Variants in PPP1R14C observed in about 807,000 individuals in gnomAD.
The protein encoded by PPP1R14C is protein phosphatase 1 regulatory inhibitor subunit 14C, also known as protein phosphatase 1 regulatory subunit 14C.
In PPP1R14C, 16 loss-of-function variants were observed where a neutral mutation model predicts 20.4. The ratio of observed to expected loss-of-function variants is 0.78; its 90% confidence interval spans 0.53 to 1.19. The LOEUF (loss-of-function observed/expected upper bound fraction) is 1.19. Ranked by LOEUF, PPP1R14C falls within the 50% of genes most tolerant of loss-of-function variation. The probability of loss-of-function intolerance (pLI) is 0.00; values close to 1 mark genes in which losing one functional copy is unlikely to be tolerated. For synonymous variants in PPP1R14C, 91 were observed against 91.0 expected (o/e 1.00, Z 0.00); for missense variants, 211 against 220.1 (o/e 0.96, Z 0.26).
At chr6:150,226,754 A>C (rs951370591) in intron 3 of PPP1R14C, among the ~76,000 whole-genome samples, 1 of 152,130 alleles carries the variant, frequency 6.6e-6, no homozygotes, top group African/African-American at 2.4e-5. Context: ...CATTGTATCA[A>C]ATTATACAAT....
At chr6:150,174,405 A>G (rs977803811) in intron 1 of PPP1R14C, among the ~76,000 whole-genome samples, 14 of 149,236 alleles carry the variant, frequency 9.4e-5, no homozygotes, top group Non-Finnish European at 4.5e-5. Flanking sequence ...TTTAGTAGAG[A>G]TGGGGTTTCA....
At chr6:150,230,870 G>A (rs1040007233) in intron 3 of PPP1R14C, among the ~76,000 whole-genome samples, 53 of 134,976 alleles carry the variant, frequency 3.9e-4, no homozygotes, top group African/African-American at 1.3e-3. Flanking sequence ...ACTTGCCAAC[G>A]GGCCCATCTT....
intron 1 of PPP1R14C, among the ~76,000 whole-genome samples, chr6:150,177,535 G>A (rs747311955): frequency 2.0e-5 from 3 of 152,104 alleles, no homozygotes; most frequent in Non-Finnish European, 2.9e-5. Context: ...ATGCAGATCC[G>A]GTGGTCACAG....
rs1193822923 is a variant in PPP1R14C at position 150,248,940 on chromosome 6, TC to T, written c.*121del. The stretch of plus-strand genomic sequence containing the variant: ...AACAACGTTTTTGTTTTTTTTTTTT[TC>T]TTTTTTGGTGTGAAGGTGGGGGGGT... On this transcript the variant is annotated 3_prime_UTR_variant, in exon 4 of 4. Coordinates refer to ENST00000361131, the MANE Select transcript of PPP1R14C (RefSeq NM_030949.3). 2.1e-5 allele frequency: 11 copies of T among 532,662 alleles called. No homozygotes were observed. Among genetic ancestry groups the T allele is most frequent in the African/African-American group, 1.0e-4 (5 of 48,790 alleles). The allele number at this position is 532,662 out of a possible 1,614,324, so 33.0% of individuals were successfully genotyped here.
Position 150,143,130 on chromosome 6 carries a change from G to A in PPP1R14C, c.-63G>A. Reference sequence around the variant, plus strand: ...CGGCTGCCGGGCCGGAGGTGGTAGCGGCGCCGGGCGCGCTCCGCCCGCCCC... The same window carrying A: ...CGGCTGCCGGGCCGGAGGTGGTAGCAGCGCCGGGCGCGCTCCGCCCGCCCC... On this transcript the variant is annotated 5_prime_UTR_variant, in exon 1 of 4. Coordinates refer to ENST00000361131, the MANE Select transcript of PPP1R14C (RefSeq NM_030949.3). This position sits in a 1 kb window ranked among gnomAD's most constrained non-coding sequence, Gnocchi z 5.6. 1.7e-6 allele frequency: 2 copies of A among 1,179,380 alleles called. No homozygotes were observed. The highest frequency in any genetic ancestry group is 2.1e-6 in the Non-Finnish European group (2 of 957,500). The allele number at this position is 1,179,380 out of a possible 1,614,324, so 73.1% of individuals were successfully genotyped here. A position where few individuals can be genotyped will look rare whatever the true frequency, so the allele number is the denominator to read the frequency against.
intron 3 of PPP1R14C, among the ~76,000 whole-genome samples, chr6:150,238,028 A>G (rs778799751): frequency 6.6e-6 from 1 of 152,238 alleles, no homozygotes; most frequent in Non-Finnish European, 1.5e-5. Context: ...CACAAGCAGT[A>G]CATGCGACAA....
At chr6:150,210,030 T>C (rs1305989945) in intron 1 of PPP1R14C, among the ~76,000 whole-genome samples, 1 of 152,162 alleles carries the variant, frequency 6.6e-6, no homozygotes, top group Non-Finnish European at 1.5e-5. Flanking sequence ...TGTGTGTGTG[T>C]GTGTTGTCAC....
At chr6:150,212,693 A>G (rs1778042164) in intron 1 of PPP1R14C, among the ~76,000 whole-genome samples, 1 of 152,220 alleles carries the variant, frequency 6.6e-6, no homozygotes, top group South Asian at 2.1e-4. Flanking sequence ...TCAGTCAACA[A>G]TGGACTGCAT....
intron 1 of PPP1R14C, among the ~76,000 whole-genome samples, chr6:150,165,985 A>G (rs1459931310): frequency 6.6e-6 from 1 of 152,120 alleles, no homozygotes. Flanking sequence ...TGGACTCTGG[A>G]TGTGCCAGTC....
At chr6:150,182,003 T>A (rs556148896) in intron 1 of PPP1R14C, among the ~76,000 whole-genome samples, 59 of 152,362 alleles carry the variant, frequency 3.9e-4, no homozygotes, top group African/African-American at 1.3e-3. Context: ...GAATTAGTTT[T>A]TTTTGGATAT....
chr6:150,177,818 C>G (rs894021998), intron 1 of PPP1R14C, among the ~76,000 whole-genome samples: 7 of 152,148 alleles, frequency 4.6e-5, no homozygotes, highest in Non-Finnish European at 1.0e-4. Flanking sequence ...GTCCGGACTG[C>G]AGCAGAACCC....
rs912145088 is a variant in PPP1R14C, at chr6:150,250,367, CAT to C, written c.*1548_*1549del. ...ATGGAGCTGCTTACAAGCCTGTTGACATGTGTGGCTTGCACAACACGTTAACA... is the reference window on the plus strand; with the variant it reads ...ATGGAGCTGCTTACAAGCCTGTTGACGTGTGGCTTGCACAACACGTTAACA... On this transcript the variant is annotated 3_prime_UTR_variant, in exon 4 of 4. Transcript: ENST00000361131. 2 of 152,782 alleles carry C rather than the reference CAT, an allele frequency of 1.3e-5. No individual in the cohort carries two copies. The highest frequency in any genetic ancestry group is 6.5e-5 in the Admixed American group (1 of 15,308). 9.5% of individuals were successfully genotyped at this position (152,782 alleles called of 1,614,324 possible).
chr6:150,157,391 T>C (rs142348652), intron 1 of PPP1R14C, among the ~76,000 whole-genome samples: 2 of 152,190 alleles, frequency 1.3e-5, no homozygotes, highest in Non-Finnish European at 2.9e-5. Context: ...AGTTTCTAAG[T>C]ATGGCTTCTT....
intron 3 of PPP1R14C, among the ~76,000 whole-genome samples, chr6:150,246,910 AT>A (rs1778498857): frequency 6.6e-6 from 1 of 152,200 alleles, no homozygotes; most frequent in Non-Finnish European, 1.5e-5. Flanking sequence ...ATATGGTATG[AT>A]CTTAATTAGG....
chr6:150,210,465 A>G (rs184345710), intron 1 of PPP1R14C, among the ~76,000 whole-genome samples: 3 of 152,276 alleles, frequency 2.0e-5, no homozygotes, highest in Admixed American at 6.5e-5. Flanking sequence ...CACCTGATAC[A>G]TGACATTCCC....
intron 1 of PPP1R14C, among the ~76,000 whole-genome samples, chr6:150,149,443 A>ATT (rs1216146263): frequency 2.8e-4 from 34 of 119,934 alleles, no homozygotes; most frequent in African/African-American, 7.3e-4. Context: ...CTCCCACCTA[A>ATT]TTTTTTTTTT....
rs1472256515 is a variant in PPP1R14C at position 150,249,694 on chromosome 6, A to G, written c.*874A>G. The G allele has an allele frequency of 5.1e-6, 2 of 395,368 alleles. No homozygotes were observed. Among genetic ancestry groups the G allele is most frequent in the Non-Finnish European group, 8.9e-6 (2 of 225,718 alleles). 24.5% of individuals were successfully genotyped at this position (395,368 alleles called of 1,614,324 possible). A position where few individuals can be genotyped will look rare whatever the true frequency, so the allele number is the denominator to read the frequency against. ...TGTAGCAGTGAATTGTCTGCTTTCC[A>G]CCGAGTACTGTGTTTATTCTCTCTC... On this transcript the variant is annotated 3_prime_UTR_variant, in exon 4 of 4. Transcript: ENST00000361131.
intron 3 of PPP1R14C, among the ~76,000 whole-genome samples, chr6:150,231,390 C>T (rs547568553): frequency 6.6e-6 from 1 of 152,332 alleles, no homozygotes; most frequent in South Asian, 2.1e-4. Context: ...TGTCTTCCGT[C>T]ACACCCCAAG....
chr6:150,181,696 C>T lies in PPP1R14C; in HGVS notation c.307-33048C>T, dbSNP rs117609557. Among the ~76,000 whole-genome samples, 308 of 152,310 alleles carry T rather than the reference C, an allele frequency of 2.0e-3. 4 individuals carry two copies. In the East Asian group the frequency reaches 0.027, roughly 13 times the overall value. On this transcript the variant is annotated intron_variant, in intron 1 of 3. Coordinates refer to ENST00000361131, the MANE Select transcript of PPP1R14C (RefSeq NM_030949.3). ...CATAGTAAGATGCCTTTGTCCTTCC[C>T]CTTAATTGTACTTGCTGCAGAGCTA...
Sources: allele counts gnomAD v4.1 joint callset (sites outside exome capture counted in the v4.1 genomes callset), GRCh38; gene constraint gnomAD v4.1.1; non-coding constraint Gnocchi (gnomAD v3.1); transcripts MANE v1.5; gene names NCBI Gene and HGNC (gene_info 2026-07-23, HGNC 2026-07-21).